Variants in ARHGEF26 observed in about 807,000 individuals in gnomAD.
ARHGEF26 encodes Rho guanine nucleotide exchange factor (GEF) 26.
In ARHGEF26, 59 loss-of-function variants were observed where a neutral mutation model predicts 89.4. That is an observed-to-expected ratio of 0.66 (90% confidence interval 0.54 to 0.82). The LOEUF (loss-of-function observed/expected upper bound fraction) is 0.82. ARHGEF26 is among the 40% of genes least tolerant of loss of function. ARHGEF26 has a pLI of 0.00. For synonymous variants in ARHGEF26, 500 were observed against 428.4 expected (o/e 1.17, Z -2.06); for missense variants, 1,234 against 1,085.6 (o/e 1.14, Z -1.92).
intron 12 of ARHGEF26, among the ~76,000 whole-genome samples, chr3:154,250,669 G>A (rs972426137): frequency 1.3e-5 from 2 of 152,276 alleles, no homozygotes; most frequent in East Asian, 3.9e-4. Flanking sequence ...GCTCTAAATT[G>A]CTCCAGAAGA....
chr3:154,199,595 T>C (rs545094299), intron 9 of ARHGEF26, among the ~76,000 whole-genome samples: 29 of 152,304 alleles, frequency 1.9e-4, no homozygotes, highest in African/African-American at 5.3e-4. Context: ...GTAGGATTTC[T>C]GAATCATATG....
intron 11 of ARHGEF26, among the ~76,000 whole-genome samples, chr3:154,238,757 A>C (rs1185330809): frequency 6.6e-6 from 1 of 152,198 alleles, no homozygotes; most frequent in Admixed American, 6.5e-5. Context: ...GCAAGGGTGC[A>C]GGTGCAGAGT....
intron 6 of ARHGEF26, among the ~76,000 whole-genome samples, chr3:154,158,329 AC>A (rs1297096260): frequency 4.0e-4 from 61 of 152,148 alleles, no homozygotes; most frequent in Non-Finnish European, 3.4e-4. Flanking sequence ...TCTCTTATTA[AC>A]ACCTTCCTGT....
chr3:154,244,660 A>T (rs1016487069), intron 12 of ARHGEF26, among the ~76,000 whole-genome samples: 1 of 151,870 alleles, frequency 6.6e-6, no homozygotes, highest in African/African-American at 2.4e-5. Flanking sequence ...TATAATTATA[A>T]TATTACATAA....
Position 154,122,888 on chromosome 3 carries a change from A to T in ARHGEF26, c.896A>T (p.Asp299Val), listed in dbSNP as rs767760029. Residue 299 changes from aspartate (D) to valine (V), a missense_variant, in exon 2 of 15, where the codon GAT becomes GTT. Coordinates refer to ENST00000465093, the MANE Select transcript of ARHGEF26 (RefSeq NM_015595.4). ...CACGCAGGGGAGGAGAGTGAGGTCG[A>T]TAACGACGTGGATAGCCCAGGGTCT... ...LGHAGEESEV[D>V]NDVDSPGSLR... 6.2e-6 allele frequency: 10 copies of T among 1,613,072 alleles called. No individual in the cohort carries two copies. Among genetic ancestry groups the T allele is most frequent in the Non-Finnish European group, 8.5e-6 (10 of 1,179,530 alleles).
chr3:154,155,864 A>G (rs1021103282), intron 6 of ARHGEF26, among the ~76,000 whole-genome samples: 2 of 151,982 alleles, frequency 1.3e-5, no homozygotes, highest in Non-Finnish European at 2.9e-5. Context: ...TTTTAGTTTA[A>G]TAAGCTATGT....
At chr3:154,241,091 C>G (rs529682104) in intron 12 of ARHGEF26, among the ~76,000 whole-genome samples, 171 of 152,210 alleles carry the variant, frequency 1.1e-3, no homozygotes, top group African/African-American at 3.9e-3. Context: ...TATGCACGAC[C>G]AAAACAGGCG....
intron 9 of ARHGEF26, among the ~76,000 whole-genome samples, chr3:154,217,379 GTTGT>G (rs1451276770): frequency 1.3e-5 from 2 of 152,134 alleles, no homozygotes; most frequent in South Asian, 2.1e-4. Flanking sequence ...TTCTGATGGG[GTTGT>G]TTGTTTTTTT....
intron 11 of ARHGEF26, among the ~76,000 whole-genome samples, chr3:154,239,860 G>A (rs189870043): frequency 9.9e-5 from 15 of 152,220 alleles, no homozygotes; most frequent in Non-Finnish European, 1.5e-4. Flanking sequence ...CAGGTGGTGA[G>A]GCTCTGAGTG....
At chr3:154,148,966 C>T (rs1719846158) in intron 4 of ARHGEF26, among the ~76,000 whole-genome samples, 1 of 152,072 alleles carries the variant, frequency 6.6e-6, no homozygotes, top group Non-Finnish European at 1.5e-5. Context: ...AAATGGGATG[C>T]CTTTCATATA....
At chr3:154,185,831 G>A (rs1713490705) in intron 6 of ARHGEF26, among the ~76,000 whole-genome samples, 1 of 152,154 alleles carries the variant, frequency 6.6e-6, no homozygotes, top group Admixed American at 6.5e-5. Context: ...AGGGTCCCCA[G>A]CTACCAGTCA....
chr3:154,170,954 TTTC>T (rs886881177), intron 6 of ARHGEF26, among the ~76,000 whole-genome samples: 18 of 152,238 alleles, frequency 1.2e-4, no homozygotes, highest in Admixed American at 2.6e-4. Context: ...TTGATTTCTT[TTTC>T]TTCTTCAAGA....
At chr3:154,154,419 G>T (rs908512236) in intron 6 of ARHGEF26, among the ~76,000 whole-genome samples, 2 of 151,862 alleles carry the variant, frequency 1.3e-5, no homozygotes, top group Non-Finnish European at 1.5e-5. Context: ...TATAAAACTA[G>T]ATATATTAAA....
rs945949693 is a variant in ARHGEF26 at position 154,129,518 on chromosome 3, C to A, written c.1124-56C>A. On this transcript the variant is annotated intron_variant, in intron 3 of 14. Transcript: ENST00000465093. Reference sequence around the variant, plus strand: ...GGGTACATATGATGTTTATTTAGAACAAGTAACATAATGATTGAGAACAAT... The same window carrying A: ...GGGTACATATGATGTTTATTTAGAAAAAGTAACATAATGATTGAGAACAAT... 6.4e-6 allele frequency: 10 copies of A among 1,561,926 alleles called. No homozygotes were observed. The African/African-American group carries it at 1.1e-4, about 17-fold the overall frequency.
intron 4 of ARHGEF26, among the ~76,000 whole-genome samples, chr3:154,147,330 G>T (rs1719763431): frequency 6.6e-6 from 1 of 152,208 alleles, no homozygotes; most frequent in African/African-American, 2.4e-5. Flanking sequence ...AGAATCGCTT[G>T]AACCCAGAAG....
intron 4 of ARHGEF26, among the ~76,000 whole-genome samples, chr3:154,144,839 G>A (rs1719604565): frequency 6.6e-6 from 1 of 152,184 alleles, no homozygotes; most frequent in South Asian, 2.1e-4. Flanking sequence ...AGAGAGATCA[G>A]CTTTTTGAAC....
chr3:154,150,315 T>G (rs1719946448), intron 5 of ARHGEF26, among the ~76,000 whole-genome samples: 1 of 152,102 alleles, frequency 6.6e-6, no homozygotes, highest in South Asian at 2.1e-4. Flanking sequence ...ATAAAACTGA[T>G]AGTGTAGAAG....
chr3:154,165,329 A>G (rs1238438845), intron 6 of ARHGEF26, among the ~76,000 whole-genome samples: 4 of 152,122 alleles, frequency 2.6e-5, no homozygotes, highest in Admixed American at 6.6e-5. Flanking sequence ...GTTTTAATAA[A>G]TTTAGAGATC....
rs1718438206 is a variant in ARHGEF26 at position 154,255,424 on chromosome 3, A to G, written c.2567A>G (p.Lys856Arg). 1 of 1,613,698 alleles carries G rather than the reference A, an allele frequency of 6.2e-7. No homozygotes were observed. Among genetic ancestry groups the G allele is most frequent in the Admixed American group, 1.7e-5 (1 of 59,942 alleles). The change falls in exon 15 of 15, where the codon AAG becomes AGG. Residue 856 changes from lysine (K) to arginine (R), a missense_variant. Lys to Arg is a conservative substitution (Grantham distance 26). Transcript: ENST00000465093. Reference sequence around the variant, plus strand: ...ATAACATGTCAAGCTACAATTGATAAGAATGTGGAGAGAATGGGACGCTTG... The same window carrying G: ...ATAACATGTCAAGCTACAATTGATAGGAATGTGGAGAGAATGGGACGCTTG... ...KEITCQATID[K>R]NVERMGRLLG...
Sources: allele counts gnomAD v4.1 joint callset (sites outside exome capture counted in the v4.1 genomes callset), GRCh38; gene constraint gnomAD v4.1.1; transcripts MANE v1.5; gene names NCBI Gene and HGNC (gene_info 2026-07-23, HGNC 2026-07-21).